Variants in ME2 observed in about 807,000 individuals in gnomAD.
ME2 encodes NAD-dependent malic enzyme, mitochondrial.
Under a neutral mutation model 73.7 loss-of-function variants are expected in ME2, and 60 were observed. The ratio of observed to expected loss-of-function variants is 0.81; its 90% CI spans 0.66 to 1.01. The LOEUF (loss-of-function observed/expected upper bound fraction) is 1.01. ME2 is among the 50% of genes least tolerant of loss of function. The probability of loss-of-function intolerance (pLI) is 0.00; values close to 1 mark genes in which losing one functional copy is unlikely to be tolerated. For synonymous variants in ME2, 199 were observed against 236.9 expected (o/e 0.84, Z 1.47); for missense variants, 594 against 705.5 (o/e 0.84, Z 1.79).
intron 1 of ME2, among the ~76,000 whole-genome samples, chr18:50,893,775 C>T (rs1038569789): frequency 1.3e-5 from 2 of 152,158 alleles, no homozygotes; most frequent in African/African-American, 4.8e-5. Context: ...TCTGCTCTTC[C>T]CATTTTCTAC....
At chr18:50,939,712 C>T (rs934950811) in intron 14 of ME2, 72 bp downstream of exon 14, 1 of 1,042,882 alleles carries the variant, frequency 9.6e-7, no homozygotes, top group African/African-American at 1.6e-5. Flanking sequence ...AAATTAAAGG[C>T]AGAGAGAGAA....
chr18:50,912,314 T>C (rs1917175322), intron 3 of ME2, among the ~76,000 whole-genome samples: 1 of 152,212 alleles, frequency 6.6e-6, no homozygotes, highest in Non-Finnish European at 1.5e-5. Context: ...GTGTAGACCT[T>C]ATAATACTTC....
intron 13 of ME2, chr18:50,934,164 G>A (rs1286448342): frequency 1.3e-5 from 2 of 152,120 alleles, no homozygotes; most frequent in Admixed American, 1.3e-4. Flanking sequence ...CTTTATGGTA[G>A]AATGATTTAT....
intron 1 of ME2, among the ~76,000 whole-genome samples, chr18:50,881,641 A>G (rs566242632): frequency 1.2e-4 from 18 of 152,288 alleles, no homozygotes; most frequent in African/African-American, 4.3e-4. Context: ...CTTGACTTTG[A>G]GATTTGATTT....
intron 7 of ME2, among the ~76,000 whole-genome samples, chr18:50,920,035 T>A (rs1917382649): frequency 6.6e-6 from 1 of 152,186 alleles, no homozygotes; most frequent in Non-Finnish European, 1.5e-5. Flanking sequence ...GATTAACATC[T>A]TCTTTTTCTG....
intron 6 of ME2, 95 bp downstream of exon 6, chr18:50,917,603 A>G (rs988723364): frequency 1.2e-6 from 1 of 868,400 alleles, no homozygotes; most frequent in Non-Finnish European, 1.6e-6. Context: ...AAGAAGGGAA[A>G]GTTTTATGAT....
At chr18:50,907,310 A>G (rs1917041154) in intron 2 of ME2, among the ~76,000 whole-genome samples, 1 of 151,816 alleles carries the variant, frequency 6.6e-6, no homozygotes, top group Non-Finnish European at 1.5e-5. Flanking sequence ...TCGATTTAAA[A>G]CTCACAAAGC....
At position 50,947,063 on chromosome 18, in the gene ME2, A is replaced by G; in HGVS notation, c.1634A>G (p.Glu545Gly). 1 of 1,613,994 alleles carries G rather than the reference A, an allele frequency of 6.2e-7. No homozygotes were observed. The highest frequency in any genetic ancestry group is 8.5e-7 in the Non-Finnish European group (1 of 1,179,858). ...AATAAAATGGCTTTCCGATACCCAG[A>G]ACCTGAAGACAAGGCCAAATATGTT... ...YANKMAFRYP[E>G]PEDKAKYVKE... Residue 545 changes from glutamate (E) to glycine (G), a missense_variant, in exon 16 of 16, where the codon GAA becomes GGA. Physicochemically the swap from Glu to Gly is moderately conservative, Grantham distance 98. Transcript: ENST00000321341.
intron 2 of ME2, among the ~76,000 whole-genome samples, chr18:50,898,213 A>G (rs1317692254): frequency 1.3e-5 from 2 of 152,228 alleles, no homozygotes; most frequent in Non-Finnish European, 2.9e-5. Flanking sequence ...ATCTTCTTAA[A>G]TGTATGTCTG....
intron 13 of ME2, chr18:50,939,140 G>GAAAAAAAAAAAAA (rs56350434): frequency 8.4e-6 from 1 of 118,528 alleles, no homozygotes; most frequent in Admixed American, 8.6e-5. Flanking sequence ...AAAAAAAAAA[G>GAAAAAAAAAAAAA]AAAAAAAAAA....
chr18:50,945,255 T>A (rs1400942432), intron 15 of ME2: 2 of 152,234 alleles, frequency 1.3e-5, no homozygotes, highest in African/African-American at 2.4e-5. Context: ...GTAGCTGGGA[T>A]TACAGGTGCC....
intron 1 of ME2, among the ~76,000 whole-genome samples, chr18:50,887,568 A>T (rs1916501849): frequency 6.6e-6 from 1 of 152,226 alleles, no homozygotes; most frequent in South Asian, 2.1e-4. Flanking sequence ...GACGAGAATT[A>T]AACCATCCAT....
chr18:50,898,484 G>A (rs979783314), intron 2 of ME2, among the ~76,000 whole-genome samples: 5 of 152,082 alleles, frequency 3.3e-5, no homozygotes, highest in Non-Finnish European at 7.4e-5. Flanking sequence ...AGGCTGGAGT[G>A]CAATGACACT....
intron 4 of ME2, among the ~76,000 whole-genome samples, chr18:50,914,361 G>A (rs902676057): frequency 1.3e-5 from 2 of 152,144 alleles, no homozygotes; most frequent in Non-Finnish European, 2.9e-5. Flanking sequence ...TGATGCCTGA[G>A]CCCCACCCCC....
chr18:50,900,264 G>C (rs1311002107), intron 2 of ME2, among the ~76,000 whole-genome samples: 2 of 141,512 alleles, frequency 1.4e-5, no homozygotes, highest in South Asian at 4.7e-4. Context: ...AAAAAAGTAA[G>C]AATAATTTTA....
At chr18:50,893,754 C>T (rs1916666220) in intron 1 of ME2, among the ~76,000 whole-genome samples, 2 of 152,148 alleles carry the variant, frequency 1.3e-5, no homozygotes, top group African/African-American at 4.8e-5. Flanking sequence ...CTGCCTTTTC[C>T]TCTTACTCTT....
chr18:50,918,482 C>G (rs1042009497), intron 7 of ME2, among the ~76,000 whole-genome samples: 1 of 152,156 alleles, frequency 6.6e-6, no homozygotes, highest in Non-Finnish European at 1.5e-5. Context: ...GCTTACTGCT[C>G]AGTACCTTTT....
Position 50,924,102 on chromosome 18 carries a change from G to A in ME2, c.1061G>A (p.Arg354Gln), listed in dbSNP as rs755200974. The change falls in exon 11 of 16, where the codon CGG (arginine) becomes CAG (glutamine). Residue 354 changes from arginine (R) to glutamine (Q), a missense_variant. Transcript: ENST00000321341. ...GTATTTTATCTCAAAATTTAGGGAC[G>A]GAAAGCAAAAATAGATAGTTATCAG... ...FDKYGLLVKG[R>Q]KAKIDSYQEP... The A allele has an allele frequency of 1.1e-5, 18 of 1,603,892 alleles. No individual in the cohort carries two copies. Among genetic ancestry groups the A allele is most frequent in the African/African-American group, 1.1e-4 (8 of 74,486 alleles).
At chr18:50,938,242 C>T (rs560688224) in intron 13 of ME2, among the ~76,000 whole-genome samples, 2 of 152,276 alleles carry the variant, frequency 1.3e-5, no homozygotes, top group East Asian at 1.9e-4. Context: ...GTAGGAGGAT[C>T]GCTTGAGTCC....
Sources: gnomAD v4.1 joint callset for allele counts (sites outside exome capture counted in the v4.1 genomes callset) on GRCh38, gnomAD v4.1.1 for gene constraint, MANE v1.5 for transcripts, NCBI Gene and HGNC (gene_info 2026-07-23, HGNC 2026-07-21) for gene names.